PEX5L: variants seen among roughly 807,000 people sequenced by gnomAD.
PEX5L encodes peroxisomal biogenesis factor 5 like.
PEX5L carries 30 observed loss-of-function variants against 84.0 expected under a neutral mutation model. The observed-to-expected ratio is 0.36, with a 90% CI of 0.27 to 0.48. The LOEUF (loss-of-function observed/expected upper bound fraction) is 0.48, where lower values mean the gene tolerates loss of function less well. Ranked by LOEUF, PEX5L falls within the 20% of genes least tolerant of loss-of-function variation. PEX5L has a pLI of 0.99. For synonymous variants in PEX5L, 270 were observed against 283.1 expected, an observed-to-expected ratio of 0.95 and a Z score of 0.46; for missense variants, 533 against 754.6, an observed-to-expected ratio of 0.71 and a Z score of 3.44.
chr3:179,879,820 C>T, intron 5 of PEX5L, 109 bp downstream of exon 5: 1 of 704,970 alleles, frequency 1.4e-6, no homozygotes, highest in African/African-American at 1.8e-5. Flanking sequence ...CCATGGAATG[C>T]CTTTTCTACT....
intron 2 of PEX5L, among the ~76,000 whole-genome samples, chr3:179,963,181 T>G (rs1447747927): frequency 6.6e-6 from 1 of 152,160 alleles, no homozygotes; most frequent in African/African-American, 2.4e-5. Context: ...GAAGATGGAC[T>G]GGTAGAGGAG....
intron 2 of PEX5L, among the ~76,000 whole-genome samples, chr3:179,955,394 G>A (rs921675523): frequency 1.3e-5 from 2 of 150,392 alleles, no homozygotes; most frequent in Admixed American, 6.6e-5. Flanking sequence ...CCTTGCTGAA[G>A]CTAATTGGGT....
intron 2 of PEX5L, among the ~76,000 whole-genome samples, chr3:179,964,163 C>A (rs546734397): frequency 1.3e-5 from 2 of 152,220 alleles, no homozygotes; most frequent in South Asian, 4.1e-4. Context: ...CCACCCTCCA[C>A]CTTCAAGCAG....
chr3:180,027,496 A>G (rs761005993), intron 1 of PEX5L, among the ~76,000 whole-genome samples: 14 of 152,008 alleles, frequency 9.2e-5, no homozygotes, highest in Non-Finnish European at 1.8e-4. Flanking sequence ...CTCTCTCTCT[A>G]TGTATATATA....
chr3:179,980,248 G>A (rs1211358207), intron 1 of PEX5L, among the ~76,000 whole-genome samples: 2 of 152,076 alleles, frequency 1.3e-5, no homozygotes, highest in Non-Finnish European at 2.9e-5. Flanking sequence ...TAAGCTACAT[G>A]TATGTGACTG....
chr3:179,882,870 C>T (rs185889604), intron 4 of PEX5L, among the ~76,000 whole-genome samples: 2 of 151,940 alleles, frequency 1.3e-5, no homozygotes, highest in African/African-American at 2.4e-5. Flanking sequence ...GAGGATCGCT[C>T]GAAGCCAGGA....
intron 8 of PEX5L, among the ~76,000 whole-genome samples, chr3:179,851,123 T>C (rs949108203): frequency 1.3e-5 from 2 of 152,226 alleles, no homozygotes; most frequent in African/African-American, 2.4e-5. Flanking sequence ...GTTTTGAGTA[T>C]GGCATCTGTT....
At chr3:179,851,160 A>G (rs1741691472) in intron 8 of PEX5L, among the ~76,000 whole-genome samples, 1 of 152,216 alleles carries the variant, frequency 6.6e-6, no homozygotes, top group Admixed American at 6.5e-5. Flanking sequence ...AAGTAAAGAA[A>G]GTCACTGTCA....
At chr3:179,889,427 A>C (rs1202257435) in intron 3 of PEX5L, among the ~76,000 whole-genome samples, 1 of 152,186 alleles carries the variant, frequency 6.6e-6, no homozygotes, top group Non-Finnish European at 1.5e-5. Flanking sequence ...AACATGTGTA[A>C]ATCTCAGATG....
intron 8 of PEX5L, among the ~76,000 whole-genome samples, chr3:179,836,908 A>ATGC (rs2109276423): frequency 6.6e-6 from 1 of 152,312 alleles, no homozygotes; most frequent in Non-Finnish European, 1.5e-5. Context: ...ATCACTATTC[A>ATGC]TGCTGCAGTT....
At chr3:179,840,177 GTGTGTGTT>G (rs1201518370) in intron 8 of PEX5L, among the ~76,000 whole-genome samples, 1 of 107,878 alleles carries the variant, frequency 9.3e-6, no homozygotes, top group Non-Finnish European at 1.8e-5. Context: ...GTGTGTGTGT[GTGTGTGTT>G]TTTTTTTTTT....
intron 3 of PEX5L, among the ~76,000 whole-genome samples, chr3:179,891,608 C>A (rs999518587): frequency 6.6e-6 from 1 of 152,024 alleles, no homozygotes; most frequent in African/African-American, 2.4e-5. Flanking sequence ...AAAAGGGGTT[C>A]AATAAATGGC....
At chr3:179,905,769 T>C (rs1467853812) in intron 2 of PEX5L, among the ~76,000 whole-genome samples, 1 of 152,176 alleles carries the variant, frequency 6.6e-6, no homozygotes, top group Admixed American at 6.5e-5. Context: ...GTTATTATCT[T>C]TTATTTTGTA....
chr3:179,807,505 G>A (rs189709452), intron 14 of PEX5L, among the ~76,000 whole-genome samples, 169 bp downstream of exon 14: 2 of 152,316 alleles, frequency 1.3e-5, no homozygotes, highest in Non-Finnish European at 2.9e-5. Flanking sequence ...GAAGCACAGG[G>A]TTCCTGCTCA....
chr3:179,986,604 G>A (rs551577580), intron 1 of PEX5L, among the ~76,000 whole-genome samples: 9 of 151,884 alleles, frequency 5.9e-5, no homozygotes, highest in African/African-American at 1.5e-4. Context: ...GGGTTTCACC[G>A]TGTTAGCCAG....
intron 8 of PEX5L, among the ~76,000 whole-genome samples, chr3:179,853,136 G>C (rs1271972431): frequency 6.6e-6 from 1 of 152,062 alleles, no homozygotes; most frequent in Non-Finnish European, 1.5e-5. Flanking sequence ...AGCTATACTT[G>C]AGTGATCACC....
At chr3:179,933,072 A>AT (rs1279608672) in intron 2 of PEX5L, among the ~76,000 whole-genome samples, 4 of 152,072 alleles carry the variant, frequency 2.6e-5, no homozygotes, top group South Asian at 2.1e-4. Context: ...TATGAGTTCA[A>AT]TTTTTTTAGA....
At chr3:179,912,440 A>G (rs1765503684) in intron 2 of PEX5L, among the ~76,000 whole-genome samples, 1 of 152,148 alleles carries the variant, frequency 6.6e-6, no homozygotes, top group Non-Finnish European at 1.5e-5. Flanking sequence ...TGAAATTGAT[A>G]CTAATTCTAG....
intron 8 of PEX5L, among the ~76,000 whole-genome samples, chr3:179,852,437 C>T (rs1446284424): frequency 6.6e-6 from 1 of 152,166 alleles, no homozygotes; most frequent in Non-Finnish European, 1.5e-5. Flanking sequence ...AAGTGAGTCA[C>T]TAAGTCCAGC....
Sources: allele counts gnomAD v4.1 joint callset (sites outside exome capture counted in the v4.1 genomes callset), GRCh38; gene constraint gnomAD v4.1.1; transcripts MANE v1.5; gene names NCBI Gene and HGNC (gene_info 2026-07-23, HGNC 2026-07-21).